The following CACNA1C variants were observed in gnomAD, a reference collection of about 807,000 sequenced individuals.
CACNA1C encodes voltage-dependent L-type calcium channel subunit alpha-1C.
A neutral mutation model predicts 229.0 loss-of-function variants in CACNA1C; 30 were observed. The observed-to-expected ratio is 0.13, with a 90% confidence interval of 0.10 to 0.18. CACNA1C has a LOEUF of 0.18. Ranked by LOEUF, CACNA1C falls within the 10% of genes least tolerant of loss-of-function variation. The pLI is 1.00. For missense variants in CACNA1C, 1,658 were observed against 2,845.0 expected (o/e 0.58, Z 9.49); for synonymous variants, 1,114 against 1,132.5 (o/e 0.98, Z 0.33).
At chr12:2,540,581 TAGAC>T (rs1454707039) in intron 9 of CACNA1C, among the ~76,000 whole-genome samples, 1 of 152,078 alleles carries the variant, frequency 6.6e-6, no homozygotes, top group Non-Finnish European at 1.5e-5. Flanking sequence ...AGAGCGGTGA[TAGAC>T]AGCACACACA....
intron 3 of CACNA1C, among the ~76,000 whole-genome samples, chr12:2,200,002 A>T (rs1398583434): frequency 6.6e-6 from 1 of 152,108 alleles, no homozygotes; most frequent in East Asian, 1.9e-4. Flanking sequence ...ATCTGAAATG[A>T]TCTCATTTAT....
At chr12:2,122,036 T>C (rs1244010286) in intron 3 of CACNA1C, among the ~76,000 whole-genome samples, 3 of 152,162 alleles carry the variant, frequency 2.0e-5, no homozygotes, top group East Asian at 3.9e-4. Context: ...GCCACTTGGC[T>C]TGCTGAGCTA....
chr12:2,269,061 G>T (rs796100149), intron 3 of CACNA1C, among the ~76,000 whole-genome samples: 8 of 152,188 alleles, frequency 5.3e-5, no homozygotes, highest in African/African-American at 1.9e-4. Context: ...CCTGTGTGCC[G>T]TGTGGGTTAC....
chr12:2,100,477 A>AC (rs2075882441), intron 1 of CACNA1C, among the ~76,000 whole-genome samples: 1 of 69,360 alleles, frequency 1.4e-5, no homozygotes, highest in Non-Finnish European at 3.8e-5. Flanking sequence ...AAAAAAAAAA[A>AC]AACAAAAAAA....
intron 3 of CACNA1C, among the ~76,000 whole-genome samples, chr12:2,251,968 A>C (rs915886213): frequency 6.6e-6 from 1 of 152,264 alleles, no homozygotes; most frequent in Non-Finnish European, 1.5e-5. Flanking sequence ...TCTCATCTGC[A>C]GCAGGCTTAG....
At chr12:2,652,888 T>A (rs2095149273) in intron 32 of CACNA1C, among the ~76,000 whole-genome samples, 2 of 85,464 alleles carry the variant, frequency 2.3e-5, no homozygotes, top group African/African-American at 5.3e-5. Context: ...TGCCATACTC[T>A]CCCTGCCCCC....
intron 20 of CACNA1C, 198 bp downstream of exon 20, chr12:2,596,201 C>A (rs908223320): frequency 1.0e-5 from 5 of 485,836 alleles, no homozygotes; most frequent in African/African-American, 7.9e-5. Context: ...AGAGCATGTA[C>A]CCAAATGCTC....
At chr12:2,401,304 C>A (rs555364196) in intron 3 of CACNA1C, among the ~76,000 whole-genome samples, 28 of 152,346 alleles carry the variant, frequency 1.8e-4, no homozygotes, top group African/African-American at 6.7e-4. Flanking sequence ...GTCTGTTGGG[C>A]AGCAGCCAGG....
intron 3 of CACNA1C, among the ~76,000 whole-genome samples, chr12:2,353,194 G>T (rs1234630812): frequency 6.6e-6 from 1 of 152,140 alleles, no homozygotes; most frequent in Non-Finnish European, 1.5e-5. Context: ...GGAGAAAGTG[G>T]CCTCAGGCTG....
chr12:2,009,223 A>T (rs2043981893), intron 1 of CACNA1C, among the ~76,000 whole-genome samples: 1 of 152,232 alleles, frequency 6.6e-6, no homozygotes, highest in Non-Finnish European at 1.5e-5. Flanking sequence ...ACTGCAATTT[A>T]AAACAAGTTT....
At position 2,215,186 on chromosome 12, in the gene CACNA1C, A is replaced by C. The variant is rs1034784129; in HGVS notation, c.477+94756A>C. On this transcript the variant is annotated intron_variant, in intron 3 of 46. Coordinates refer to ENST00000399655, the MANE Select transcript of CACNA1C (RefSeq NM_000719.7). The surrounding 1 kb of genome is among the most constrained non-coding windows in gnomAD (Gnocchi z 5.0). The stretch of plus-strand genomic sequence containing the variant: ...GAGACATCAGAGACATGTCAATCTG[A>C]GTCCCTTTGCTTGGATTTAATCTGC... 2.6e-5 allele frequency among the ~76,000 whole-genome samples: 4 copies of C among 152,138 alleles called. No individual in the cohort carries two copies. Among genetic ancestry groups the C allele is most frequent in the Non-Finnish European group, 4.4e-5 (3 of 68,038 alleles).
intron 9 of CACNA1C, among the ~76,000 whole-genome samples, chr12:2,538,676 T>A (rs1474844565): frequency 6.6e-6 from 1 of 152,192 alleles, no homozygotes; most frequent in African/African-American, 2.4e-5. Context: ...ACTCACAGTA[T>A]TAGAGACTCC....
At chr12:2,086,994 C>A (rs929986545) in intron 1 of CACNA1C, among the ~76,000 whole-genome samples, 4 of 152,182 alleles carry the variant, frequency 2.6e-5, no homozygotes, top group African/African-American at 9.7e-5. Flanking sequence ...ATTCCCAGGG[C>A]TGCCTTCCAG....
intron 1 of CACNA1C, among the ~76,000 whole-genome samples, chr12:1,983,125 CTT>C (rs879705096): frequency 7.0e-6 from 1 of 143,786 alleles, no homozygotes. Context: ...TTTGTGTCTT[CTT>C]TTTTTTTTTC....
At chr12:2,025,420 G>A (rs1313627478) in intron 1 of CACNA1C, among the ~76,000 whole-genome samples, 2 of 152,100 alleles carry the variant, frequency 1.3e-5, no homozygotes, top group African/African-American at 4.8e-5. Flanking sequence ...AGGTGAATGT[G>A]GTGGTCACCT....
intron 3 of CACNA1C, among the ~76,000 whole-genome samples, chr12:2,418,661 G>A (rs2098941620): frequency 6.6e-6 from 1 of 152,202 alleles, no homozygotes; most frequent in African/African-American, 2.4e-5. Flanking sequence ...CCTCCAGCAA[G>A]TAAAATGAGT....
chr12:2,271,440 C>T (rs997447952), intron 3 of CACNA1C, among the ~76,000 whole-genome samples: 8 of 152,182 alleles, frequency 5.3e-5, no homozygotes, highest in Non-Finnish European at 8.8e-5. Context: ...AAAGGCTGTT[C>T]GCTCTTTCCA....
intron 1 of CACNA1C, among the ~76,000 whole-genome samples, chr12:2,099,631 A>G (rs2075577753): frequency 1.3e-5 from 2 of 152,220 alleles, no homozygotes; most frequent in African/African-American, 4.8e-5. Context: ...ATAATTACTT[A>G]TTGCACAGAA....
At chr12:2,680,131 C>T (rs893074004) in intron 42 of CACNA1C, among the ~76,000 whole-genome samples, 5 of 152,214 alleles carry the variant, frequency 3.3e-5, no homozygotes, top group Admixed American at 3.3e-4. Flanking sequence ...GTCTGCCCTT[C>T]CCCGAGTCTC....
Sources: allele counts gnomAD v4.1 joint callset (sites outside exome capture counted in the v4.1 genomes callset), GRCh38; gene constraint gnomAD v4.1.1; non-coding constraint Gnocchi (gnomAD v3.1); transcripts MANE v1.5; gene names NCBI Gene and HGNC (gene_info 2026-07-23, HGNC 2026-07-21).